DISP1: variants seen among roughly 807,000 people sequenced by gnomAD.
The protein encoded by DISP1 is dispatched RND transporter family member 1, also known as protein dispatched homolog 1.
Under a neutral mutation model 37.3 loss-of-function variants are expected in DISP1, and 30 were observed. The ratio of observed to expected loss-of-function variants is 0.80; its 90% CI spans 0.60 to 1.09. The LOEUF is 1.09. Ranked by LOEUF, DISP1 falls within the 50% of genes least tolerant of loss-of-function variation. DISP1 has a pLI of 0.00. For synonymous variants in DISP1, 634 were observed against 690.2 expected (o/e 0.92, Z 1.28); for missense variants, 1,598 against 1,879.5 (o/e 0.85, Z 2.77).
chr1:222,865,126 A>G (rs1669113931), intron 1 of DISP1, among the ~76,000 whole-genome samples: 1 of 151,894 alleles, frequency 6.6e-6, no homozygotes, highest in Admixed American at 6.6e-5. Context: ...TCATAAACTC[A>G]TATTTTATTC....
At chr1:222,891,919 T>C (rs1166833746) in intron 1 of DISP1, among the ~76,000 whole-genome samples, 1 of 151,910 alleles carries the variant, frequency 6.6e-6, no homozygotes, top group Non-Finnish European at 1.5e-5. Context: ...GGGAAGCACA[T>C]ACAAGTTTTA....
chr1:222,833,378 G>A (rs1666249611), intron 1 of DISP1, among the ~76,000 whole-genome samples: 1 of 152,118 alleles, frequency 6.6e-6, no homozygotes, highest in Non-Finnish European at 1.5e-5. Context: ...TCTGATCAAT[G>A]GTATTTAGTG....
chr1:222,839,306 C>A (rs1380769544), intron 1 of DISP1, among the ~76,000 whole-genome samples: 2 of 152,058 alleles, frequency 1.3e-5, no homozygotes, highest in Non-Finnish European at 2.9e-5. Context: ...AATCTAATGC[C>A]CGATGATCTG....
intron 1 of DISP1, among the ~76,000 whole-genome samples, chr1:222,897,788 CA>C (rs1376571715): frequency 6.6e-6 from 1 of 152,122 alleles, no homozygotes; most frequent in African/African-American, 2.4e-5. Flanking sequence ...TTTAAAAATA[CA>C]TACCAGTTTT....
intron 2 of DISP1, among the ~76,000 whole-genome samples, chr1:222,930,842 A>G (rs1289101316): frequency 6.6e-6 from 1 of 152,084 alleles, no homozygotes; most frequent in East Asian, 1.9e-4. Flanking sequence ...TAAAGTCTTT[A>G]TAAGTTTGAT....
chr1:222,847,426 G>T (rs1227646875), intron 1 of DISP1, among the ~76,000 whole-genome samples: 1 of 152,090 alleles, frequency 6.6e-6, no homozygotes, highest in Admixed American at 6.5e-5. Context: ...TTTAGGTTTT[G>T]TCAGTGGAGA....
chr1:222,966,199 G>T (rs1043822320), intron 3 of DISP1, among the ~76,000 whole-genome samples: 1 of 152,126 alleles, frequency 6.6e-6, no homozygotes, highest in African/African-American at 2.4e-5. Flanking sequence ...ATTGTAACTA[G>T]ATATTGTTGA....
chr1:222,976,623 C>T (rs1163941185), intron 3 of DISP1, among the ~76,000 whole-genome samples: 1 of 151,834 alleles, frequency 6.6e-6, no homozygotes, highest in Non-Finnish European at 1.5e-5. Context: ...AAAATGAAAT[C>T]TTTACTCAAG....
chr1:222,872,013 G>C (rs1477008444), intron 1 of DISP1, among the ~76,000 whole-genome samples: 3 of 151,908 alleles, frequency 2.0e-5, no homozygotes, highest in Non-Finnish European at 2.9e-5. Context: ...GTTGAATTTT[G>C]TCAAAGGCCT....
chr1:222,845,440 T>G (rs1242015593), intron 1 of DISP1, among the ~76,000 whole-genome samples: 1 of 152,184 alleles, frequency 6.6e-6, no homozygotes, highest in Non-Finnish European at 1.5e-5. Flanking sequence ...TCTCAGCATA[T>G]TTTTTATTCA....
At chr1:222,902,158 C>T (rs1572466229) in intron 1 of DISP1, among the ~76,000 whole-genome samples, 1 of 152,266 alleles carries the variant, frequency 6.6e-6, no homozygotes, top group East Asian at 1.9e-4. Flanking sequence ...CTATTTCCTT[C>T]AGTTCTGCTC....
At chr1:222,995,089 G>T (rs558163306) in intron 8 of DISP1, 107 bp downstream of exon 8, 39 of 896,438 alleles carry the variant, frequency 4.4e-5, no homozygotes, top group South Asian at 3.3e-4. Flanking sequence ...TACTTCAGAG[G>T]CTTACCTACT....
At chr1:222,830,924 T>C (rs1388675160) in intron 1 of DISP1, 2 of 152,188 alleles carry the variant, frequency 1.3e-5, no homozygotes, top group African/African-American at 4.8e-5. Flanking sequence ...TCTTTTTTGT[T>C]TTAGGGATAA....
intron 1 of DISP1, among the ~76,000 whole-genome samples, chr1:222,907,909 A>G (rs1671992527): frequency 6.6e-6 from 1 of 152,236 alleles, no homozygotes. Flanking sequence ...AAATTGTGCC[A>G]TTGCACTCCA....
intron 3 of DISP1, among the ~76,000 whole-genome samples, chr1:222,955,926 C>A (rs947901353): frequency 1.3e-5 from 2 of 152,174 alleles, no homozygotes; most frequent in African/African-American, 4.8e-5. Context: ...TGAGTTAGTT[C>A]AGTGAAATCA....
In DISP1 at chr1:222,983,063, G is replaced by GT; in HGVS notation, c.510-17_510-16insT. 6.4e-7 allele frequency: 1 copy of GT among 1,567,128 alleles called. No homozygotes were observed. The highest frequency in any genetic ancestry group is 8.7e-7 in the Non-Finnish European group (1 of 1,154,200). The stretch of plus-strand genomic sequence containing the variant: ...CTCTGTTTTTGATCATTTTTCCTTT[G>GT]CTTTTTTTTTTTTCAGACCATCCAG... On this transcript the variant is annotated splice_polypyrimidine_tract_variant and intron_variant, in intron 3 of 8. Transcript: ENST00000675850.
At chr1:222,843,189 A>G (rs35271605) in intron 1 of DISP1, among the ~76,000 whole-genome samples, 14,352 of 152,010 alleles carry the variant, frequency 0.094, 768 homozygotes, top group African/African-American at 0.12. Context: ...ATTAAAAAAA[A>G]CAGAATAGTT....
chr1:222,856,039 G>C (rs563308742), intron 1 of DISP1, among the ~76,000 whole-genome samples: 1 of 152,300 alleles, frequency 6.6e-6, no homozygotes, highest in African/African-American at 2.4e-5. Flanking sequence ...GGCAGCTCCA[G>C]GGTGTGAATA....
rs560475893 is a variant in DISP1, at chr1:222,931,953, T to C, written c.-18+3383T>C. 5.9e-5 allele frequency among the ~76,000 whole-genome samples: 9 copies of C among 151,934 alleles called. No homozygotes were observed. In the South Asian group the frequency reaches 1.4e-3, roughly 24 times the overall value. The stretch of plus-strand genomic sequence containing the variant: ...TTGTCTTGCTTGAGCTAATATCTTA[T>C]CAAGGCTTTCTCTCCCCACCCTTCC... On this transcript the variant is annotated intron_variant, in intron 2 of 8. Transcript: ENST00000675850.
Sources: allele counts gnomAD v4.1 joint callset (sites outside exome capture counted in the v4.1 genomes callset), GRCh38; gene constraint gnomAD v4.1.1; transcripts MANE v1.5; gene names NCBI Gene and HGNC (gene_info 2026-07-23, HGNC 2026-07-21).